The following CNTNAP2 variants were observed in gnomAD, a reference collection of about 807,000 sequenced individuals.
CNTNAP2 encodes contactin associated protein 2.
A neutral mutation model predicts 155.2 loss-of-function variants in CNTNAP2; 98 were observed. The ratio of observed to expected loss-of-function variants is 0.63; its 90% confidence interval spans 0.54 to 0.75. The LOEUF is 0.75. Among genes scored for constraint, CNTNAP2 ranks in the 30% least tolerant of loss-of-function variants. The pLI is 0.00. For missense variants in CNTNAP2, 1,727 were observed against 1,688.1 expected, an observed-to-expected ratio of 1.02 and a Z score of -0.40; for synonymous variants, 651 against 631.2, an observed-to-expected ratio of 1.03 and a Z score of -0.47.
At chr7:148,415,008 A>G (rs1799946135) in intron 23 of CNTNAP2, 1 of 316,764 alleles carries the variant, frequency 3.2e-6, no homozygotes, top group Admixed American at 4.4e-5. Context: ...CTCTCCATTC[A>G]GGGAAACCAC....
At chr7:146,550,401 GTTTTTTT>G (rs10673467) in intron 1 of CNTNAP2, among the ~76,000 whole-genome samples, 610 of 54,390 alleles carry the variant, frequency 0.011, 6 homozygotes, top group African/African-American at 0.04. Flanking sequence ...CCATTAATCT[GTTTTTTT>G]TTTTTTTTTT....
Position 146,129,281 on chromosome 7 carries a change from CAT to C in CNTNAP2, c.97+12309_97+12310del, listed in dbSNP as rs1399173809. On this transcript the variant is annotated intron_variant, in intron 1 of 23. Transcript: ENST00000361727. ...TTCAGAATATTGCAAATAAAAATGACATTGTTTCTTTTATCAAATTGGCATCA... is the reference window on the plus strand; with the variant it reads ...TTCAGAATATTGCAAATAAAAATGACTGTTTCTTTTATCAAATTGGCATCA... Among the ~76,000 whole-genome samples the C allele has an allele frequency of 4.6e-5, 7 of 152,152 alleles. No individual in the cohort carries two copies. The East Asian group carries it at 1.4e-3, about 29-fold the overall frequency.
At chr7:148,236,287 G>A (rs1380655097) in intron 20 of CNTNAP2, among the ~76,000 whole-genome samples, 2 of 152,156 alleles carry the variant, frequency 1.3e-5, no homozygotes, top group Non-Finnish European at 2.9e-5. Context: ...AGGCTTGGGT[G>A]GGAAGTAAAG....
intron 3 of CNTNAP2, among the ~76,000 whole-genome samples, chr7:147,003,995 G>A (rs1477157132): frequency 6.6e-6 from 1 of 151,994 alleles, no homozygotes; most frequent in African/African-American, 2.4e-5. Flanking sequence ...TTATGCCATT[G>A]CACTTTAGCC....
At chr7:147,343,905 A>G (rs7803992) in intron 9 of CNTNAP2, among the ~76,000 whole-genome samples, 97,533 of 152,000 alleles carry the variant, frequency 0.64, 32,411 homozygotes, top group African/African-American at 0.82. Context: ...TTAAAGATCA[A>G]GACCAGTCAT....
intron 10 of CNTNAP2, among the ~76,000 whole-genome samples, chr7:147,418,975 C>T (rs1030931559): frequency 2.0e-5 from 3 of 152,124 alleles, no homozygotes; most frequent in Admixed American, 6.5e-5. Flanking sequence ...CAGTGGTGAA[C>T]GTACTCATTA....
chr7:146,223,379 G>A (rs1799239947), intron 1 of CNTNAP2, among the ~76,000 whole-genome samples: 1 of 152,182 alleles, frequency 6.6e-6, no homozygotes. Context: ...AGGTCTTCTT[G>A]GGGTCAGATG....
At chr7:147,902,786 GTGTGTGTGTGTGTGTGTGTGTGTGTGTA>G (rs1325206303) in intron 13 of CNTNAP2, among the ~76,000 whole-genome samples, 48 of 132,192 alleles carry the variant, frequency 3.6e-4, no homozygotes, top group East Asian at 1.6e-3. Flanking sequence ...GTTTGTGTGT[GTGTGTGTGTGTGTGTGTGTGTGTGTGTA>G]TGTGTGTGTG....
intron 1 of CNTNAP2, among the ~76,000 whole-genome samples, chr7:146,308,802 G>T (rs1174985753): frequency 1.3e-5 from 2 of 151,870 alleles, no homozygotes; most frequent in Non-Finnish European, 2.9e-5. Flanking sequence ...ACACGGCGGG[G>T]AACATCACAT....
intron 1 of CNTNAP2, among the ~76,000 whole-genome samples, chr7:146,234,120 A>T (rs964176230): frequency 1.2e-4 from 17 of 145,456 alleles, no homozygotes; most frequent in Non-Finnish European, 2.0e-4. Context: ...CATCTTCTCC[A>T]GCACCTGTTG....
intron 1 of CNTNAP2, chr7:146,311,622 A>AG (rs1409661865): frequency 3.3e-5 from 5 of 149,674 alleles, no homozygotes; most frequent in African/African-American, 1.2e-4. Context: ...AAAAAAAAAA[A>AG]AAAAAAGAAA....
chr7:147,026,025 A>G (rs1422118547), intron 3 of CNTNAP2, among the ~76,000 whole-genome samples: 1 of 151,950 alleles, frequency 6.6e-6, no homozygotes, highest in East Asian at 1.9e-4. Flanking sequence ...ACGCCTGGCT[A>G]ATTTTTGCCT....
chr7:148,405,501 C>T (rs759567820), intron 22 of CNTNAP2, among the ~76,000 whole-genome samples: 3 of 137,520 alleles, frequency 2.2e-5, no homozygotes, highest in East Asian at 2.3e-4. Flanking sequence ...AATCTCGGCT[C>T]GCTACAACCT....
At chr7:146,333,132 A>G (rs539801868) in intron 1 of CNTNAP2, among the ~76,000 whole-genome samples, 74 of 151,920 alleles carry the variant, frequency 4.9e-4, no homozygotes, top group African/African-American at 1.8e-3. Flanking sequence ...TTTAGTAGAG[A>G]TGGGGTTTCA....
chr7:146,872,842 T>C (rs1795341370), intron 3 of CNTNAP2, among the ~76,000 whole-genome samples: 1 of 152,248 alleles, frequency 6.6e-6, no homozygotes, highest in African/African-American at 2.4e-5. Context: ...ATGCAAATGG[T>C]TCAGTGTTAT....
chr7:147,719,528 A>C (rs1796531940), intron 13 of CNTNAP2, among the ~76,000 whole-genome samples: 1 of 152,124 alleles, frequency 6.6e-6, no homozygotes. Flanking sequence ...GCCAGTGGTC[A>C]TAAATACAAT....
chr7:147,700,173 A>C, intron 13 of CNTNAP2, among the ~76,000 whole-genome samples: 1 of 152,172 alleles, frequency 6.6e-6, no homozygotes, highest in East Asian at 1.9e-4. Flanking sequence ...TCAGTTCCCT[A>C]GTTGTATTAA....
chr7:147,717,129 G>A (rs922443709), intron 13 of CNTNAP2, among the ~76,000 whole-genome samples: 3 of 152,176 alleles, frequency 2.0e-5, no homozygotes, highest in African/African-American at 7.2e-5. Flanking sequence ...AAAAAAAGGA[G>A]AGTCAATCAC....
At chr7:147,507,550 C>CTTTTTTTTTTTTT (rs3052511) in intron 11 of CNTNAP2, among the ~76,000 whole-genome samples, 1 of 82,026 alleles carries the variant, frequency 1.2e-5, no homozygotes, top group African/African-American at 5.0e-5. Flanking sequence ...CTCTTTCTTT[C>CTTTTTTTTTTTTT]TTTTTTTTTT....
Sources: gnomAD v4.1 joint callset for allele counts (sites outside exome capture counted in the v4.1 genomes callset) on GRCh38, gnomAD v4.1.1 for gene constraint, MANE v1.5 for transcripts, NCBI Gene and HGNC (gene_info 2026-07-23, HGNC 2026-07-21) for gene names.